Variants in VPS13A observed in about 807,000 individuals in gnomAD.
VPS13A encodes the protein vacuolar protein sorting 13 homolog A, also known as intermembrane lipid transfer protein VPS13A.
In VPS13A, 264 loss-of-function variants were observed where a neutral mutation model predicts 390.9. The observed-to-expected ratio is 0.68, with a 90% confidence interval of 0.61 to 0.75. The LOEUF is 0.75. Among genes scored for constraint, VPS13A ranks in the 30% least tolerant of loss-of-function variants. The pLI is 0.00. For missense variants in VPS13A, 3,409 were observed against 3,733.9 expected, an observed-to-expected ratio of 0.91 and a Z score of 2.27; for synonymous variants, 1,231 against 1,227.1, an observed-to-expected ratio of 1.00 and a Z score of -0.07.
rs767130131 is a variant in VPS13A, at chr9:77,313,954, G to A, written c.4115-38G>A. On this transcript the variant is annotated intron_variant, in intron 35 of 71. Transcript: ENST00000360280. Reference sequence around the variant, plus strand: ...GGTATTTTAATGAGCTACTTTTCATGATATTTTCTTTTATTAAATAACTTT... The same window carrying A: ...GGTATTTTAATGAGCTACTTTTCATAATATTTTCTTTTATTAAATAACTTT... 9 of 1,584,790 alleles carry A rather than the reference G, an allele frequency of 5.7e-6. No homozygotes were observed. The South Asian group carries it at 1.0e-4, about 18-fold the overall frequency.
At chr9:77,320,433 C>T (rs977061850) in intron 42 of VPS13A, among the ~76,000 whole-genome samples, 6 of 151,968 alleles carry the variant, frequency 3.9e-5, no homozygotes, top group African/African-American at 1.2e-4. Flanking sequence ...GAATCGGGGC[C>T]TTTAGGTGGA....
intron 25 of VPS13A, among the ~76,000 whole-genome samples, 169 bp from the exon 26 acceptor site, chr9:77,275,892 ATTAT>A (rs1250884077): frequency 6.6e-6 from 1 of 151,312 alleles, no homozygotes; most frequent in Non-Finnish European, 1.5e-5. Flanking sequence ...TGTGAAAACG[ATTAT>A]TTATGTTGTG....
chr9:77,390,650 C>G (rs1833863050), intron 68 of VPS13A, among the ~76,000 whole-genome samples: 1 of 115,908 alleles, frequency 8.6e-6, no homozygotes, highest in Non-Finnish European at 1.7e-5. Context: ...TCCCCCCACC[C>G]CGTCCCTCTC....
chr9:77,342,782 G>T (rs1423496973), intron 50 of VPS13A, among the ~76,000 whole-genome samples: 2 of 152,094 alleles, frequency 1.3e-5, no homozygotes, highest in African/African-American at 2.4e-5. Context: ...TCGAATAGGG[G>T]ATACTCAACC....
rs1164876224 is a variant in VPS13A at position 77,421,367 on chromosome 9, A to C, written c.*5361A>C. ...TTACAGTGAAGTTCTTCCTTTTGAAACTAATCTTATTCTTTTATTCCTCTC... is the reference window on the plus strand; with the variant it reads ...TTACAGTGAAGTTCTTCCTTTTGAACCTAATCTTATTCTTTTATTCCTCTC... On this transcript the variant is annotated 3_prime_UTR_variant, in exon 72 of 72. Coordinates refer to ENST00000360280, the MANE Select transcript of VPS13A (RefSeq NM_033305.3). 1 of 152,118 alleles carries C rather than the reference A, an allele frequency of 6.6e-6. No individual in the cohort carries two copies. The highest frequency in any genetic ancestry group is 1.5e-5 in the Non-Finnish European group (1 of 68,014). The allele number at this position is 152,118 out of a possible 1,614,324, so 9.4% of individuals were successfully genotyped here.
chr9:77,247,086 A>G (rs1034358422), intron 19 of VPS13A, among the ~76,000 whole-genome samples, 173 bp from the exon 20 acceptor site: 5 of 152,168 alleles, frequency 3.3e-5, no homozygotes, highest in African/African-American at 1.2e-4. Flanking sequence ...AAATAGGAGT[A>G]CATGCATTGG....
chr9:77,395,182 T>G (rs1055191647), intron 68 of VPS13A, among the ~76,000 whole-genome samples: 1 of 152,228 alleles, frequency 6.6e-6, no homozygotes, highest in African/African-American at 2.4e-5. Context: ...TTCTAGCTTT[T>G]GATTTAAAGT....
chr9:77,291,525 C>T (rs1256599587), intron 31 of VPS13A, among the ~76,000 whole-genome samples: 1 of 152,132 alleles, frequency 6.6e-6, no homozygotes, highest in Non-Finnish European at 1.5e-5. Context: ...CGATTTCCTT[C>T]ACTACATTAC....
At chr9:77,361,035 A>T (rs568764915) in intron 59 of VPS13A, among the ~76,000 whole-genome samples, 1 of 152,122 alleles carries the variant, frequency 6.6e-6, no homozygotes, top group African/African-American at 2.4e-5. Context: ...CCATAAAATC[A>T]TAGTTATAAA....
chr9:77,257,273 C>T (rs1027871112), intron 22 of VPS13A, among the ~76,000 whole-genome samples: 66 of 152,130 alleles, frequency 4.3e-4, no homozygotes, highest in African/African-American at 1.5e-3. Context: ...CTTGTTCTGT[C>T]ACCTAGGCTA....
chr9:77,256,228 C>T (rs886476657), intron 22 of VPS13A, among the ~76,000 whole-genome samples: 1 of 151,728 alleles, frequency 6.6e-6, no homozygotes, highest in African/African-American at 2.4e-5. Flanking sequence ...TTCTAATTTC[C>T]CTTGTGATTT....
chr9:77,251,760 C>A (rs552426485), intron 21 of VPS13A, among the ~76,000 whole-genome samples: 2 of 152,162 alleles, frequency 1.3e-5, no homozygotes, highest in South Asian at 4.1e-4. Context: ...TGTTGCCAAT[C>A]AACAACATCC....
intron 28 of VPS13A, 97 bp from the exon 29 acceptor site, chr9:77,282,024 T>C (rs1332890556): frequency 2.9e-6 from 4 of 1,395,218 alleles, no homozygotes; most frequent in Non-Finnish European, 4.0e-6. Flanking sequence ...GAAAATATTA[T>C]AAATTATATC....
chr9:77,331,534 C>T (rs1370640360), intron 45 of VPS13A, among the ~76,000 whole-genome samples: 1 of 151,870 alleles, frequency 6.6e-6, no homozygotes, highest in Non-Finnish European at 1.5e-5. Context: ...CATTCTGTTC[C>T]TGTTTTCCTC....
chr9:77,413,815 G>A (rs911992089), intron 71 of VPS13A, among the ~76,000 whole-genome samples: 7 of 152,218 alleles, frequency 4.6e-5, no homozygotes, highest in Admixed American at 3.9e-4. Context: ...CAACCTACAG[G>A]ATGGGAGAAA....
intron 40 of VPS13A, 60 bp downstream of exon 40, chr9:77,317,758 G>A: frequency 7.6e-7 from 1 of 1,307,770 alleles, no homozygotes; most frequent in Non-Finnish European, 1.1e-6. Context: ...GTAAAGCCTA[G>A]AAAGTTATTA....
At chr9:77,377,647 A>T (rs1309937385) in intron 67 of VPS13A, among the ~76,000 whole-genome samples, 1 of 152,016 alleles carries the variant, frequency 6.6e-6, no homozygotes, top group Non-Finnish European at 1.5e-5. Flanking sequence ...TGGGTTTTCT[A>T]TATGTAAGAG....
chr9:77,353,233 C>G (rs1464747453), intron 53 of VPS13A, among the ~76,000 whole-genome samples, 176 bp from the exon 54 acceptor site: 1 of 151,910 alleles, frequency 6.6e-6, no homozygotes, highest in African/African-American at 2.4e-5. Flanking sequence ...CAAATGATTT[C>G]AATAATGTAA....
rs1180522943 is a variant in VPS13A, at chr9:77,283,425, C to T, written c.3189C>T (p.Ile1063=). The T allele has an allele frequency of 1.1e-5, 18 of 1,607,758 alleles. No individual in the cohort carries two copies. The highest frequency in any genetic ancestry group is 1.5e-5 in the Non-Finnish European group (18 of 1,175,028). The change falls in exon 30 of 72, where the codon ATC becomes ATT. Residue 1063 remains isoleucine (I), a synonymous_variant. Transcript: ENST00000360280. The part of the protein sequence containing the change: ...QILAELSCLQ[I]FIQDQKCNIS... ...TAGCAGAATTATCGTGTTTACAGAT[C>T]TTTATTCAAGATCAGAAATGTAACA...
Sources: gnomAD v4.1 joint callset for allele counts (sites outside exome capture counted in the v4.1 genomes callset) on GRCh38, gnomAD v4.1.1 for gene constraint, MANE v1.5 for transcripts, NCBI Gene and HGNC (gene_info 2026-07-23, HGNC 2026-07-21) for gene names.